DLGAP1: variants seen among roughly 807,000 people sequenced by gnomAD.
DLGAP1 encodes disks large-associated protein 1.
A neutral mutation model predicts 90.8 loss-of-function variants in DLGAP1; 11 were observed. The observed-to-expected ratio is 0.12, with a 90% CI of 0.08 to 0.20. The LOEUF is 0.20. Among genes scored for constraint, DLGAP1 ranks in the 10% least tolerant of loss-of-function variants. The pLI is 1.00. For synonymous variants in DLGAP1, 558 were observed against 540.7 expected (o/e 1.03, Z -0.44); for missense variants, 1,050 against 1,333.8 (o/e 0.79, Z 3.31).
chr18:4,331,516 T>G (rs1259323147), intron 1 of DLGAP1, among the ~76,000 whole-genome samples: 1 of 151,780 alleles, frequency 6.6e-6, no homozygotes, highest in African/African-American at 2.4e-5. Flanking sequence ...TAACCCACCT[T>G]CATGCCATTT....
intron 4 of DLGAP1, among the ~76,000 whole-genome samples, chr18:3,865,779 C>T (rs1024514308): frequency 6.6e-6 from 1 of 152,118 alleles, no homozygotes; most frequent in Non-Finnish European, 1.5e-5. Flanking sequence ...AGAACGGCTA[C>T]CCCAGAAACT....
At chr18:4,306,033 TACACACACAC>T (rs3041181) in intron 1 of DLGAP1, among the ~76,000 whole-genome samples, 5,580 of 142,132 alleles carry the variant, frequency 0.039, 144 homozygotes, top group Non-Finnish European at 0.04. Context: ...CACACACAAA[TACACACACAC>T]ACACACACAC....
At chr18:3,569,956 A>G (rs926275274) in intron 8 of DLGAP1, among the ~76,000 whole-genome samples, 2 of 151,976 alleles carry the variant, frequency 1.3e-5, no homozygotes, top group Non-Finnish European at 2.9e-5. Context: ...TATCTTTTGT[A>G]CTGTATTTTT....
intron 2 of DLGAP1, among the ~76,000 whole-genome samples, chr18:4,036,341 G>C (rs905926764): frequency 3.3e-5 from 5 of 152,172 alleles, no homozygotes; most frequent in African/African-American, 1.2e-4. Context: ...GAATCTTGGA[G>C]AGCATTTAAT....
At chr18:4,018,190 G>T (rs2074553496) in intron 2 of DLGAP1, among the ~76,000 whole-genome samples, 1 of 152,166 alleles carries the variant, frequency 6.6e-6, no homozygotes, top group Admixed American at 6.5e-5. Context: ...GGAGATCTGT[G>T]GGGAGTTCCA....
At chr18:4,114,343 TTTTAC>T (rs1286159525) in intron 2 of DLGAP1, among the ~76,000 whole-genome samples, 1 of 152,070 alleles carries the variant, frequency 6.6e-6, no homozygotes, top group Non-Finnish European at 1.5e-5. Context: ...TTCCTAGATA[TTTTAC>T]TTTATTATTA....
chr18:3,623,448 G>C (rs920533416), intron 7 of DLGAP1, among the ~76,000 whole-genome samples: 2 of 152,140 alleles, frequency 1.3e-5, no homozygotes, highest in Non-Finnish European at 2.9e-5. Flanking sequence ...TCCGTCTTAG[G>C]TTCTGCTAAT....
At chr18:4,163,333 A>T (rs189403698) in intron 1 of DLGAP1, among the ~76,000 whole-genome samples, 46 of 152,308 alleles carry the variant, frequency 3.0e-4, no homozygotes, top group African/African-American at 1.1e-3. Flanking sequence ...GTGGGAGAAA[A>T]GTCTATGAGC....
intron 7 of DLGAP1, among the ~76,000 whole-genome samples, chr18:3,709,710 C>T (rs1266568105): frequency 6.6e-6 from 1 of 152,138 alleles, no homozygotes; most frequent in Non-Finnish European, 1.5e-5. Flanking sequence ...ACTGTGAACC[C>T]CTCCAGGGCA....
chr18:3,848,127 C>CAAAA (rs3862177), intron 4 of DLGAP1, among the ~76,000 whole-genome samples: 384 of 32,082 alleles, frequency 0.012, 62 homozygotes, highest in African/African-American at 0.021. Flanking sequence ...GGCCCCGTCT[C>CAAAA]AAAAAAAAAA....
chr18:3,883,229 G>A (rs1032857593), intron 3 of DLGAP1, among the ~76,000 whole-genome samples: 8 of 152,210 alleles, frequency 5.3e-5, no homozygotes, highest in Non-Finnish European at 1.0e-4. Context: ...GGGTGACAGA[G>A]CAAGATTCCA....
Position 3,551,681 on chromosome 18 carries a change from CCCCTCCCTCCCT to C in DLGAP1, c.2057+15797_2057+15808del, listed in dbSNP as rs1294062016. Among the ~76,000 whole-genome samples, 34 of 5,370 alleles carry C rather than the reference CCCCTCCCTCCCT, an allele frequency of 6.3e-3. 7 individuals carry two copies. Among genetic ancestry groups the C allele is most frequent in the East Asian group, 0.013 (2 of 154 alleles). 3.5% of individuals were successfully genotyped at this position (5,370 alleles called of 152,430 possible). On this transcript the variant is annotated intron_variant, in intron 9 of 12. Transcript: ENST00000315677. ...GTCTCTTTCCTTCTTTCTTTTCCCTCCCCTCCCTCCCTCCCTCCCTCCCTCCCTCCCTCCCTC... is the reference window on the plus strand; with the variant it reads ...GTCTCTTTCCTTCTTTCTTTTCCCTCCCCTCCCTCCCTCCCTCCCTCCCTC...
At chr18:4,188,777 C>T (rs1369340823) in intron 1 of DLGAP1, among the ~76,000 whole-genome samples, 4 of 152,138 alleles carry the variant, frequency 2.6e-5, no homozygotes, top group Admixed American at 6.6e-5. Flanking sequence ...AATAAACATA[C>T]GTGTGCATGT....
chr18:4,042,805 T>G (rs1361090433), intron 2 of DLGAP1, among the ~76,000 whole-genome samples: 1 of 152,200 alleles, frequency 6.6e-6, no homozygotes, highest in Non-Finnish European at 1.5e-5. Context: ...CAACGATGTA[T>G]ATCACTTCTT....
intron 9 of DLGAP1, among the ~76,000 whole-genome samples, chr18:3,560,400 C>A (rs2054010720): frequency 7.8e-6 from 1 of 127,876 alleles, no homozygotes; most frequent in Non-Finnish European, 1.6e-5. Flanking sequence ...GCCTGGGTGA[C>A]AGAGCGAGAC....
At chr18:3,936,628 A>G (rs2072647050) in intron 3 of DLGAP1, among the ~76,000 whole-genome samples, 1 of 152,236 alleles carries the variant, frequency 6.6e-6, no homozygotes, top group Admixed American at 6.5e-5. Flanking sequence ...ATAAAGTTCT[A>G]TTGATTGATT....
intron 1 of DLGAP1, among the ~76,000 whole-genome samples, chr18:4,276,800 G>A (rs2079427649): frequency 6.6e-6 from 1 of 152,154 alleles, no homozygotes; most frequent in Admixed American, 6.5e-5. Flanking sequence ...TAAATTTTGT[G>A]TGATTCTTAA....
intron 1 of DLGAP1, among the ~76,000 whole-genome samples, chr18:4,408,009 A>C (rs931173960): frequency 3.9e-5 from 6 of 152,180 alleles, no homozygotes; most frequent in Non-Finnish European, 8.8e-5. Context: ...GTTTTGTCAA[A>C]GAATTTAGAG....
chr18:4,067,499 A>G (rs2075386956), intron 2 of DLGAP1, among the ~76,000 whole-genome samples: 1 of 152,134 alleles, frequency 6.6e-6, no homozygotes, highest in South Asian at 2.1e-4. Flanking sequence ...CGTTAACATT[A>G]AAACAGACAT....
Sources: allele counts gnomAD v4.1 joint callset (sites outside exome capture counted in the v4.1 genomes callset), GRCh38; gene constraint gnomAD v4.1.1; transcripts MANE v1.5; gene names NCBI Gene and HGNC (gene_info 2026-07-23, HGNC 2026-07-21).